Variants in WDR44 observed in about 807,000 individuals in gnomAD.
WDR44 encodes WD repeat-containing protein 44.
WDR44 carries 9 observed loss-of-function variants against 65.7 expected under a neutral mutation model. The observed-to-expected ratio is 0.14, with a 90% CI of 0.08 to 0.24. The LOEUF is 0.24. Ranked by LOEUF, WDR44 falls within the 10% of genes least tolerant of loss-of-function variation. The pLI, the probability that WDR44 is intolerant of heterozygous loss-of-function variation, is 1.00. For synonymous variants in WDR44, 220 were observed against 235.2 expected, an observed-to-expected ratio of 0.94 and a Z score of 0.59; for missense variants, 425 against 670.9, an observed-to-expected ratio of 0.63 and a Z score of 4.05.
At chrX:118,416,920 G>C (rs2057062261) in intron 12 of WDR44, among the ~76,000 whole-genome samples, 1 of 111,771 alleles carries the variant, frequency 8.9e-6, no homozygotes, top group South Asian at 3.7e-4. Flanking sequence ...TGTTGGACAA[G>C]GCCTTTTACT....
intron 2 of WDR44, among the ~76,000 whole-genome samples, chrX:118,383,878 CTTT>C (rs549809406): frequency 1.4e-5 from 1 of 69,840 alleles, no homozygotes; most frequent in Non-Finnish European, 2.6e-5. Context: ...TTTTTAATTT[CTTT>C]TTTTTTTTTT....
At chrX:118,366,436 G>T (rs1330536796) in intron 1 of WDR44, among the ~76,000 whole-genome samples, 1 of 111,246 alleles carries the variant, frequency 9.0e-6, no homozygotes, top group Non-Finnish European at 1.9e-5. Context: ...CTTCTGACAT[G>T]TCACCATGAA....
chrX:118,385,811 G>T (rs1331982618), intron 2 of WDR44, among the ~76,000 whole-genome samples: 1 of 111,405 alleles, frequency 9.0e-6, no homozygotes, highest in Non-Finnish European at 1.9e-5. Flanking sequence ...ATGTAATTGT[G>T]GGGGAGTGAT....
At chrX:118,356,655 A>G (rs770348675) in intron 1 of WDR44, among the ~76,000 whole-genome samples, 2 of 109,214 alleles carry the variant, frequency 1.8e-5, no homozygotes, top group Middle Eastern at 4.7e-3. Flanking sequence ...ATGTATTCCT[A>G]ATAGCTGGGT....
intron 1 of WDR44, among the ~76,000 whole-genome samples, chrX:118,372,071 T>C (rs980420678): frequency 2.8e-5 from 3 of 108,617 alleles, no homozygotes; most frequent in East Asian, 2.8e-4. Flanking sequence ...TAGCAAAGTA[T>C]TATTGGACAT....
At chrX:118,424,329 ATATATATATATATATATATG>A (rs1276766637) in intron 12 of WDR44, among the ~76,000 whole-genome samples, 1 of 84,559 alleles carries the variant, frequency 1.2e-5, no homozygotes, top group Admixed American at 1.4e-4. Flanking sequence ...GTGTGTATAT[ATATATATATATATATATATG>A]TATATATATA....
At chrX:118,438,320 A>C (rs1453523514) in intron 14 of WDR44, among the ~76,000 whole-genome samples, 1 of 112,604 alleles carries the variant, frequency 8.9e-6, no homozygotes, top group Non-Finnish European at 1.9e-5. Flanking sequence ...ACTGTGAGCA[A>C]AATCTTTCCA....
intron 12 of WDR44, among the ~76,000 whole-genome samples, chrX:118,415,872 C>T (rs2057053390): frequency 9.0e-6 from 1 of 111,259 alleles, no homozygotes; most frequent in Non-Finnish European, 1.9e-5. Flanking sequence ...TGTTATTGGT[C>T]TGTTCAGGGT....
intron 12 of WDR44, among the ~76,000 whole-genome samples, chrX:118,423,107 A>G (rs1382434698): frequency 1.8e-5 from 2 of 112,405 alleles, no homozygotes; most frequent in African/African-American, 6.5e-5. Context: ...ACAAGAGACA[A>G]AAATAGAATG....
intron 14 of WDR44, 64 bp from the exon 15 acceptor site, chrX:118,441,304 A>ATT: frequency 9.8e-7 from 1 of 1,016,841 alleles, no homozygotes; most frequent in South Asian, 2.2e-5. Flanking sequence ...TACTGATTTG[A>ATT]TTTGCTAATG....
intron 12 of WDR44, among the ~76,000 whole-genome samples, chrX:118,411,912 G>T (rs1393384772): frequency 8.9e-6 from 1 of 112,064 alleles, no homozygotes; most frequent in Non-Finnish European, 1.9e-5. Context: ...TGTTTTCTGA[G>T]TGCCTGCTAT....
intron 8 of WDR44, among the ~76,000 whole-genome samples, chrX:118,400,640 CT>C (rs1291692624): frequency 3.0e-4 from 31 of 102,745 alleles, no homozygotes; most frequent in African/African-American, 1.1e-3. Flanking sequence ...ATGAAAGTTT[CT>C]CATAATCTCA....
At chrX:118,409,208 C>T (rs1296648497) in intron 10 of WDR44, among the ~76,000 whole-genome samples, 1 of 111,319 alleles carries the variant, frequency 9.0e-6, no homozygotes, top group African/African-American at 3.3e-5. Context: ...TGACTCACTG[C>T]ACCCTTCACC....
At chrX:118,442,744 C>T in intron 17 of WDR44, 64 bp downstream of exon 17, 3 of 939,513 alleles carry the variant, frequency 3.2e-6, no homozygotes, top group Non-Finnish European at 4.6e-6. Context: ...TCCATTTTTC[C>T]ATTGGTCTAT....
chrX:118,381,576 CTTTTT>C (rs371445545), intron 2 of WDR44, among the ~76,000 whole-genome samples: 1 of 87,167 alleles, frequency 1.1e-5, no homozygotes. Flanking sequence ...GTTCTTTCTT[CTTTTT>C]TTTTTTTTTT....
chrX:118,388,336 A>G (rs1407017921), intron 3 of WDR44, among the ~76,000 whole-genome samples: 1 of 111,737 alleles, frequency 8.9e-6, no homozygotes, highest in Non-Finnish European at 1.9e-5. Context: ...GCTAGAGTGC[A>G]GTGGCACAAT....
At position 118,398,794 on chromosome X, in the gene WDR44, A is replaced by G. The variant is rs1038783464; in HGVS notation, c.1274+324A>G. Among the ~76,000 whole-genome samples the G allele has an allele frequency of 2.3e-4, 26 of 111,474 alleles. 1 individual carries two copies. The highest frequency in any genetic ancestry group is 1.9e-4 in the Admixed American group (2 of 10,488). ...ATACAAAAATTAGTTGGGCATGATGACAGGTGCCTGTAATCCCAGCTACTT... is the reference window on the plus strand; with the variant it reads ...ATACAAAAATTAGTTGGGCATGATGGCAGGTGCCTGTAATCCCAGCTACTT... On this transcript the variant is annotated intron_variant, in intron 8 of 19. Transcript: ENST00000254029.
intron 4 of WDR44, among the ~76,000 whole-genome samples, chrX:118,393,477 A>G (rs894595103): frequency 9.0e-6 from 1 of 110,840 alleles, no homozygotes; most frequent in Admixed American, 9.7e-5. Flanking sequence ...CTGTAGTCCC[A>G]GCTACTTGGG....
intron 1 of WDR44, among the ~76,000 whole-genome samples, chrX:118,366,828 TG>T (rs2056557209): frequency 8.9e-6 from 1 of 112,356 alleles, no homozygotes; most frequent in Non-Finnish European, 1.9e-5. Context: ...CCGGGCGCAG[TG>T]GCTCACGCCT....
Sources: allele counts gnomAD v4.1 joint callset (sites outside exome capture counted in the v4.1 genomes callset), GRCh38; gene constraint gnomAD v4.1.1; transcripts MANE v1.5; gene names NCBI Gene and HGNC (gene_info 2026-07-23, HGNC 2026-07-21).